Variants in CD109 observed in about 807,000 individuals in gnomAD.
CD109 encodes CD109 antigen.
CD109 carries 149 observed loss-of-function variants against 165.8 expected under a neutral mutation model. The ratio of observed to expected loss-of-function variants is 0.90; its 90% confidence interval spans 0.79 to 1.03. The LOEUF (loss-of-function observed/expected upper bound fraction) is 1.03, where lower values mean the gene tolerates loss of function less well. Among genes scored for constraint, CD109 ranks in the 50% least tolerant of loss-of-function variants. CD109 has a pLI of 0.00. For synonymous variants in CD109, 585 were observed against 592.1 expected, an observed-to-expected ratio of 0.99 and a Z score of 0.18; for missense variants, 1,712 against 1,677.8, an observed-to-expected ratio of 1.02 and a Z score of -0.36.
intron 15 of CD109, among the ~76,000 whole-genome samples, chr6:73,773,569 A>G (rs1774126343): frequency 1.3e-5 from 2 of 151,996 alleles, no homozygotes; most frequent in African/African-American, 4.8e-5. Context: ...TATGCGTTCT[A>G]TTTTTGTTAC....
In CD109 at chr6:73,797,501, G is replaced by A. The variant is rs141046756; in HGVS notation, c.2878+4699G>A. ...GCTAGTGGCCATAGCTTAAAAAACT[G>A]TGATGTTCTCACTTTCCATTTCATG... On this transcript the variant is annotated intron_variant, in intron 23 of 32. Transcript: ENST00000287097. 3.0e-3 allele frequency among the ~76,000 whole-genome samples: 458 copies of A among 152,312 alleles called. 1 individual carries two copies. Among genetic ancestry groups the A allele is most frequent in the African/African-American group, 0.01 (423 of 41,564 alleles).
chr6:73,760,545 A>T (rs922794593), intron 7 of CD109, among the ~76,000 whole-genome samples: 4 of 151,552 alleles, frequency 2.6e-5, no homozygotes, highest in Non-Finnish European at 5.9e-5. Flanking sequence ...AGAATATTTG[A>T]CTTACGAAGC....
In CD109 at chr6:73,783,708, T is replaced by G; in HGVS notation, c.2107T>G (p.Tyr703Asp). The G allele has an allele frequency of 6.4e-7, 1 of 1,565,890 alleles. No homozygotes were observed. Among genetic ancestry groups the G allele is most frequent in the Non-Finnish European group, 8.8e-7 (1 of 1,136,852 alleles). The change falls in exon 19 of 33, where the codon TAC becomes GAC. Residue 703 changes from tyrosine (Y) to aspartate (D), a missense_variant and splice_region_variant. Physicochemically the swap from Tyr to Asp is radical, Grantham distance 160 (BLOSUM62 -3). Transcript: ENST00000287097. The stretch of plus-strand genomic sequence containing the variant: ...TTATATTTATTATCTTGACTTCAGT[T>G]ACAGGATTTACCAAGAATTTGAAGT... Reference protein sequence around the residue: ...TWIWLDTNMGYRIYQEFEVTV... With the variant: ...TWIWLDTNMGDRIYQEFEVTV...
At chr6:73,775,231 C>T (rs1774197914) in intron 15 of CD109, among the ~76,000 whole-genome samples, 2 of 151,784 alleles carry the variant, frequency 1.3e-5, no homozygotes, top group East Asian at 3.8e-4. Flanking sequence ...ATTGTGTATA[C>T]ATGAGGTTAT....
At chr6:73,728,799 T>C (rs1046053716) in intron 3 of CD109, among the ~76,000 whole-genome samples, 1 of 152,262 alleles carries the variant, frequency 6.6e-6, no homozygotes, top group African/African-American at 2.4e-5. Flanking sequence ...ACCTCAGTTT[T>C]AATATGAAAA....
intron 23 of CD109, among the ~76,000 whole-genome samples, chr6:73,793,823 T>TA (rs1775053329): frequency 4.6e-5 from 7 of 152,196 alleles, no homozygotes; most frequent in East Asian, 3.8e-4. Flanking sequence ...ATCCCGTCCA[T>TA]CAAATTCATG....
In CD109 at chr6:73,780,917, T is replaced by C. The variant is rs113022745; in HGVS notation, c.1903-342T>C. Among the ~76,000 whole-genome samples, 3 of 150,894 alleles carry C rather than the reference T, an allele frequency of 2.0e-5. 1 individual carries two copies. Among genetic ancestry groups the C allele is most frequent in the African/African-American group, 7.3e-5 (3 of 41,134 alleles). On this transcript the variant is annotated intron_variant, in intron 16 of 32. Coordinates refer to ENST00000287097, the MANE Select transcript of CD109 (RefSeq NM_133493.5). ...GCATGAGTGTGTGTGTGTATGTGTGTGTGTGTAAGACTGATGTGTGTATGT... is the reference window on the plus strand; with the variant it reads ...GCATGAGTGTGTGTGTGTATGTGTGCGTGTGTAAGACTGATGTGTGTATGT...
At position 73,785,387 on chromosome 6, in the gene CD109, C is replaced by A. The variant is rs1162015812; in HGVS notation, c.2247C>A (p.Phe749Leu). Residue 749 changes from phenylalanine to leucine, a missense_variant, in exon 20 of 33, where the codon TTC becomes TTA. By Grantham distance (22) the Phe-to-Leu change is conservative. Transcript: ENST00000287097. ...PVELQAFQPF[F>L]IFLNLPYSVI... is the part of the protein sequence containing the mutation. ...AGCTCCAAGCCTTCCAACCATTTTT[C>A]ATTTTTTTGAATCTTCCCTACTCTG... 1 of 1,603,592 alleles carries A rather than the reference C, an allele frequency of 6.2e-7. No homozygotes were observed. Among genetic ancestry groups the A allele is most frequent in the South Asian group, 1.1e-5 (1 of 89,208 alleles).
chr6:73,749,948 C>A (rs1773126093), intron 5 of CD109, among the ~76,000 whole-genome samples: 1 of 152,142 alleles, frequency 6.6e-6, no homozygotes, highest in South Asian at 2.1e-4. Context: ...GGGAGAGAAA[C>A]TAAAGTCCAG....
At chr6:73,741,141 G>T (rs1245918807) in intron 5 of CD109, among the ~76,000 whole-genome samples, 1 of 151,182 alleles carries the variant, frequency 6.6e-6, no homozygotes, top group African/African-American at 2.4e-5. Context: ...AAATTGCAAA[G>T]AAACTCTTGA....
rs200820416 is a variant in CD109, at chr6:73,820,558, A to G, written c.4157A>G (p.Glu1386Gly). 1.8e-5 allele frequency: 28 copies of G among 1,561,448 alleles called. No individual in the cohort carries two copies. In the African/African-American group the frequency reaches 3.1e-4, roughly 17 times the overall value. Residue 1386 changes from glutamate (E) to glycine (G), a missense_variant, in exon 32 of 33, where the codon GAG (glutamate) becomes GGG (glycine). Glu to Gly is a moderately conservative substitution (Grantham distance 98, BLOSUM62 -2). Coordinates refer to ENST00000287097, the MANE Select transcript of CD109 (RefSeq NM_133493.5). ...DASVSIVDYY[E>G]PRRQAVRSYN... Reference sequence around the variant, plus strand: ...TCAGTGTCCATAGTGGATTACTATGAGCCAAGTAAGTATGCTCTGGAGTTC... The same window carrying G: ...TCAGTGTCCATAGTGGATTACTATGGGCCAAGTAAGTATGCTCTGGAGTTC...
chr6:73,761,810 C>G (rs190414567), intron 7 of CD109, among the ~76,000 whole-genome samples: 1 of 152,042 alleles, frequency 6.6e-6, no homozygotes, highest in Non-Finnish European at 1.5e-5. Flanking sequence ...CATGAGCCAC[C>G]GTGCCCATCC....
intron 2 of CD109, 194 bp from the exon 3 acceptor site, chr6:73,723,057 T>C (rs1478505571): frequency 1.1e-6 from 1 of 887,522 alleles, no homozygotes; most frequent in Non-Finnish European, 1.4e-6. Context: ...AATCCTGATT[T>C]TTAATTGTTT....
intron 2 of CD109, among the ~76,000 whole-genome samples, chr6:73,700,915 C>A (rs765843088): frequency 6.7e-6 from 1 of 148,678 alleles, no homozygotes; most frequent in African/African-American, 2.5e-5. Flanking sequence ...GATTCTCCTG[C>A]CTCAGCCTTC....
At chr6:73,782,895 G>T (rs2047670) in intron 18 of CD109, 140 bp downstream of exon 18, 235,709 of 649,634 alleles carry the variant, frequency 0.36, 44,176 homozygotes, top group African/African-American at 0.48. Flanking sequence ...TTTAGGAAAT[G>T]ATATTTATTG....
chr6:73,809,005 C>A (rs1775666564), intron 26 of CD109, among the ~76,000 whole-genome samples: 1 of 152,094 alleles, frequency 6.6e-6, no homozygotes, highest in Non-Finnish European at 1.5e-5. Flanking sequence ...ATCCTTGTTA[C>A]CTATTCCAAA....
In CD109 at chr6:73,747,104, A is replaced by G. The variant is rs543439166; in HGVS notation, c.634-9539A>G. Among the ~76,000 whole-genome samples, 6 of 152,310 alleles carry G rather than the reference A, an allele frequency of 3.9e-5. No homozygotes were observed. The South Asian group carries it at 1.0e-3, about 26-fold the overall frequency. On this transcript the variant is annotated intron_variant, in intron 5 of 32. Transcript: ENST00000287097. The stretch of plus-strand genomic sequence containing the variant: ...GTCCTATTCTTCACATCTAAGACCA[A>G]TATCCCGATTTCTGCCTTGGCTTCT...
At chr6:73,684,394 A>G in the CD109 span, among the ~76,000 whole-genome samples, 1 of 150,632 alleles carries the variant, frequency 6.6e-6, no homozygotes, top group Non-Finnish European at 1.5e-5. Flanking sequence ...TAATTTTTGT[A>G]TTTTTTTGGG....
rs1448089718 is a variant in CD109, at chr6:73,766,003, C to T, written c.1181C>T (p.Thr394Ile). The change falls in exon 11 of 33, where the codon ACA becomes ATA. Residue 394 changes from threonine to isoleucine, a missense_variant. Physicochemically the swap from Thr to Ile is moderately conservative, Grantham distance 89. Coordinates refer to ENST00000287097, the MANE Select transcript of CD109 (RefSeq NM_133493.5). Reference protein sequence around the residue: ...ERRNNVVITVTQRNYTEYWSG... With the variant: ...ERRNNVVITVIQRNYTEYWSG... ...AGAAATAATGTAGTCATAACAGTGA[C>T]ACAGAGAAACTATACTGAGTACTGG... The T allele has an allele frequency of 1.2e-6, 2 of 1,613,870 alleles. No homozygotes were observed. The highest frequency in any genetic ancestry group is 1.7e-5 in the Admixed American group (1 of 59,976).
Sources: gnomAD v4.1 joint callset for allele counts (sites outside exome capture counted in the v4.1 genomes callset) on GRCh38, gnomAD v4.1.1 for gene constraint, MANE v1.5 for transcripts, NCBI Gene and HGNC (gene_info 2026-07-23, HGNC 2026-07-21) for gene names.